PDE6A: variants seen among roughly 807,000 people sequenced by gnomAD.
PDE6A encodes the protein phosphodiesterase 6A.
Under a neutral mutation model 106.3 loss-of-function variants are expected in PDE6A, and 84 were observed. The ratio of observed to expected loss-of-function variants is 0.79; its 90% CI spans 0.66 to 0.95. The LOEUF is 0.95. PDE6A is among the 40% of genes least tolerant of loss of function. The probability of loss-of-function intolerance (pLI) is 0.00; values close to 1 mark genes in which losing one functional copy is unlikely to be tolerated. For missense variants in PDE6A, 1,052 were observed against 1,084.9 expected (o/e 0.97, Z 0.43); for synonymous variants, 394 against 386.6 (o/e 1.02, Z -0.23).
chr5:149,916,751 G>C (rs1181536306), intron 5 of PDE6A, among the ~76,000 whole-genome samples: 1 of 152,184 alleles, frequency 6.6e-6, no homozygotes, highest in East Asian at 1.9e-4. Context: ...GACACAGAGA[G>C]AGGAAAGGAC....
chr5:149,881,190 G>A (rs188327684), intron 17 of PDE6A, among the ~76,000 whole-genome samples: 1 of 152,332 alleles, frequency 6.6e-6, no homozygotes, highest in Admixed American at 6.5e-5. Flanking sequence ...GCAGTTTGGA[G>A]TTTCCTCAAA....
At chr5:149,900,603 G>A (rs1752942230) in intron 8 of PDE6A, among the ~76,000 whole-genome samples, 1 of 151,770 alleles carries the variant, frequency 6.6e-6, no homozygotes, top group Non-Finnish European at 1.5e-5. Context: ...GCTTCCTGGA[G>A]TAGGTGAGTC....
chr5:149,917,307 A>G (rs567476133), intron 5 of PDE6A, among the ~76,000 whole-genome samples: 1 of 152,296 alleles, frequency 6.6e-6, no homozygotes, highest in South Asian at 2.1e-4. Flanking sequence ...TTAAAAAGAA[A>G]AACCAAACTG....
At chr5:149,935,456 T>C (rs1754154825) in intron 1 of PDE6A, among the ~76,000 whole-genome samples, 1 of 152,184 alleles carries the variant, frequency 6.6e-6, no homozygotes, top group African/African-American at 2.4e-5. Flanking sequence ...CTACGAATCT[T>C]AGTAGAAACC....
chr5:149,895,529 A>G (rs1283178039), intron 12 of PDE6A, among the ~76,000 whole-genome samples: 1 of 148,740 alleles, frequency 6.7e-6, no homozygotes, highest in Non-Finnish European at 1.5e-5. Context: ...TTGTTAGGAA[A>G]CGAGGTGAGC....
At chr5:149,930,391 A>G (rs1055599178) in intron 4 of PDE6A, among the ~76,000 whole-genome samples, 1 of 152,242 alleles carries the variant, frequency 6.6e-6, no homozygotes, top group African/African-American at 2.4e-5. Context: ...GATAGGAGAT[A>G]TTAAACTTAG....
At chr5:149,884,396 ATG>A (rs1761062414) in intron 16 of PDE6A, 81 bp downstream of exon 16, 2 of 813,624 alleles carry the variant, frequency 2.5e-6, no homozygotes, top group South Asian at 1.4e-5. Flanking sequence ...ATGTGTATAT[ATG>A]TATATATATG....
At chr5:149,874,639 C>G (rs1198345540) in intron 17 of PDE6A, among the ~76,000 whole-genome samples, 4 of 152,138 alleles carry the variant, frequency 2.6e-5, no homozygotes, top group African/African-American at 7.2e-5. Flanking sequence ...TCTTCCCTCC[C>G]CGGAGGCTGG....
At chr5:149,943,984 A>C (rs1230754429) in intron 1 of PDE6A, among the ~76,000 whole-genome samples, 1 of 152,224 alleles carries the variant, frequency 6.6e-6, no homozygotes, top group African/African-American at 2.4e-5. Context: ...ATTTGGATGA[A>C]AGACATACAG....
rs145056165 is a variant in PDE6A, at chr5:149,903,759, C to T, written c.1066-64G>A. The T allele has an allele frequency of 2.6e-4, 302 of 1,165,452 alleles. No homozygotes were observed. In the African/African-American group the frequency reaches 4.2e-3, roughly 16 times the overall value. 72.2% of individuals were successfully genotyped at this position (1,165,452 alleles called of 1,614,324 possible). On this transcript the variant is annotated intron_variant, in intron 7 of 21. Transcript: ENST00000255266. Reference sequence around the variant, plus strand: ...GCCTGAGAGGGTGCCCAGTGAAGCACTGTATACCATTTTCAGAAACACCAT... The same window carrying T: ...GCCTGAGAGGGTGCCCAGTGAAGCATTGTATACCATTTTCAGAAACACCAT...
intron 7 of PDE6A, among the ~76,000 whole-genome samples, chr5:149,904,179 AG>A (rs1243445062): frequency 6.6e-6 from 1 of 152,170 alleles, no homozygotes; most frequent in Non-Finnish European, 1.5e-5. Flanking sequence ...CCTGGGAGGC[AG>A]AGGTTGCAGT....
intron 5 of PDE6A, 72 bp downstream of exon 5, chr5:149,921,563 C>A (rs1753721734): frequency 1.6e-6 from 2 of 1,234,454 alleles, no homozygotes; most frequent in African/African-American, 1.5e-5. Flanking sequence ...AATAAAAAAT[C>A]CTTTAACAGG....
chr5:149,904,018 T>G lies in PDE6A; in HGVS notation c.1066-323A>C, dbSNP rs1277312660. On this transcript the variant is annotated intron_variant, in intron 7 of 21. Coordinates refer to ENST00000255266, the MANE Select transcript of PDE6A (RefSeq NM_000440.3). The stretch of plus-strand genomic sequence containing the variant: ...TTCCCCTTTTCTTGCTTATTTGGGT[T>G]GTATCCATGGTCTTTAAGTTAATAT... Among the ~76,000 whole-genome samples, 5 of 152,198 alleles carry G rather than the reference T, an allele frequency of 3.3e-5. No homozygotes were observed. The East Asian group carries it at 7.7e-4, about 23-fold the overall frequency.
chr5:149,864,025 T>A (rs1248691257), intron 20 of PDE6A, among the ~76,000 whole-genome samples: 5 of 152,128 alleles, frequency 3.3e-5, no homozygotes, highest in African/African-American at 9.7e-5. Flanking sequence ...GGCCCCCTAG[T>A]GGAGTCCCCC....
At chr5:149,908,072 C>T (rs1026550185) in intron 6 of PDE6A, among the ~76,000 whole-genome samples, 2 of 152,150 alleles carry the variant, frequency 1.3e-5, no homozygotes, top group Non-Finnish European at 2.9e-5. Context: ...GCATGTTTTC[C>T]TGTACCTGTT....
rs1022697543 is a variant in PDE6A, at chr5:149,892,309, T to G, written c.1728+2874A>C. Among the ~76,000 whole-genome samples, 5 of 151,574 alleles carry G rather than the reference T, an allele frequency of 3.3e-5. No homozygotes were observed. The South Asian group carries it at 1.0e-3, about 31-fold the overall frequency. ...CCGGACTGGGCAACAGAGTAGGAGC[T>G]CAAATCAAAAAAAAAACTTAAAAAA... On this transcript the variant is annotated intron_variant, in intron 13 of 21. Transcript: ENST00000255266.
chr5:149,872,644 C>A (rs907356420), intron 17 of PDE6A, among the ~76,000 whole-genome samples: 2 of 152,170 alleles, frequency 1.3e-5, no homozygotes, highest in African/African-American at 4.8e-5. Context: ...CTTACTCAGA[C>A]CCTCCCTGGA....
At chr5:149,939,620 T>A (rs1192413205) in intron 1 of PDE6A, among the ~76,000 whole-genome samples, 1 of 152,144 alleles carries the variant, frequency 6.6e-6, no homozygotes, top group African/African-American at 2.4e-5. Flanking sequence ...GCTGATGAGA[T>A]AATTCATTCA....
chr5:149,883,147 C>T (rs1760994188), intron 17 of PDE6A, among the ~76,000 whole-genome samples: 1 of 152,178 alleles, frequency 6.6e-6, no homozygotes, highest in South Asian at 2.1e-4. Context: ...CAGTTTACCA[C>T]CCAAATCTTA....
Sources: gnomAD v4.1 joint callset for allele counts (sites outside exome capture counted in the v4.1 genomes callset) on GRCh38, gnomAD v4.1.1 for gene constraint, MANE v1.5 for transcripts, NCBI Gene and HGNC (gene_info 2026-07-23, HGNC 2026-07-21) for gene names.